Variants in CSRNP3 observed in about 807,000 individuals in gnomAD.
The protein encoded by CSRNP3 is cysteine and serine rich nuclear protein 3.
CSRNP3 carries 12 observed loss-of-function variants against 48.0 expected under a neutral mutation model. The observed-to-expected ratio is 0.25, with a 90% CI of 0.16 to 0.41. The LOEUF (loss-of-function observed/expected upper bound fraction) is 0.41, where lower values mean the gene tolerates loss of function less well. Among genes scored for constraint, CSRNP3 ranks in the 10% least tolerant of loss-of-function variants. The pLI, the probability that CSRNP3 is intolerant of heterozygous loss-of-function variation, is 1.00. For missense variants in CSRNP3, 580 were observed against 724.4 expected (o/e 0.80, Z 2.29); for synonymous variants, 263 against 269.7 (o/e 0.98, Z 0.24).
rs1687596772 is a variant in CSRNP3 at position 165,684,438 on chromosome 2, A to G, written c.*4685A>G. On this transcript the variant is annotated 3_prime_UTR_variant, in exon 7 of 7. Transcript: ENST00000651982. Reference sequence around the variant, plus strand: ...TTTGCAGTGCCATTATAGCCAGTGTATTAAATACCAGGCTTTAATGGGAAG... The same window carrying G: ...TTTGCAGTGCCATTATAGCCAGTGTGTTAAATACCAGGCTTTAATGGGAAG... The G allele has an allele frequency of 6.6e-6, 1 of 152,110 alleles. No individual in the cohort carries two copies. 9.4% of individuals were successfully genotyped at this position (152,110 alleles called of 1,614,324 possible). A position where few individuals can be genotyped will look rare whatever the true frequency, so the allele number is the denominator to read the frequency against.
intron 2 of CSRNP3, among the ~76,000 whole-genome samples, chr2:165,497,321 G>A (rs192992139): frequency 6.8e-4 from 104 of 152,124 alleles, no homozygotes; most frequent in South Asian, 1.9e-3. Context: ...GAGTTTTGAA[G>A]GAAACATTTG....
chr2:165,624,857 G>A (rs979768026), intron 4 of CSRNP3, among the ~76,000 whole-genome samples: 1 of 152,132 alleles, frequency 6.6e-6, no homozygotes, highest in Non-Finnish European at 1.5e-5. Context: ...GGTGAGATGG[G>A]TTTTCTCATT....
At chr2:165,638,567 G>A (rs1307762729) in intron 4 of CSRNP3, among the ~76,000 whole-genome samples, 1 of 152,074 alleles carries the variant, frequency 6.6e-6, no homozygotes, top group Non-Finnish European at 1.5e-5. Context: ...GATGCTTTCT[G>A]AAAATGTTGT....
intron 2 of CSRNP3, among the ~76,000 whole-genome samples, chr2:165,512,288 C>A (rs1684517589): frequency 6.6e-6 from 1 of 152,160 alleles, no homozygotes; most frequent in South Asian, 2.1e-4. Flanking sequence ...CACCAATTTA[C>A]AATTTTCTGG....
intron 2 of CSRNP3, among the ~76,000 whole-genome samples, chr2:165,514,338 A>G (rs6714013): frequency 0.24 from 36,496 of 152,210 alleles, 4,654 homozygotes; most frequent in East Asian, 0.38. Context: ...GCAAGATTCC[A>G]GGAAAAATGG....
chr2:165,541,023 T>G (rs2105252213), intron 3 of CSRNP3, among the ~76,000 whole-genome samples: 1 of 152,158 alleles, frequency 6.6e-6, no homozygotes, highest in South Asian at 2.1e-4. Flanking sequence ...TTATAACGTC[T>G]TGTATTGCCC....
At chr2:165,533,316 C>T (rs889973869) in intron 3 of CSRNP3, among the ~76,000 whole-genome samples, 1 of 152,010 alleles carries the variant, frequency 6.6e-6, no homozygotes, top group African/African-American at 2.4e-5. Flanking sequence ...ATTAGAATAA[C>T]TACTCATTTC....
At chr2:165,617,055 G>A (rs1003215459) in intron 4 of CSRNP3, among the ~76,000 whole-genome samples, 4 of 151,992 alleles carry the variant, frequency 2.6e-5, no homozygotes, top group Non-Finnish European at 5.9e-5. Context: ...TTCAGATCCT[G>A]AATGATTTTC....
chr2:165,510,570 C>A (rs1260056922), intron 2 of CSRNP3, among the ~76,000 whole-genome samples: 1 of 152,022 alleles, frequency 6.6e-6, no homozygotes, highest in Non-Finnish European at 1.5e-5. Flanking sequence ...TTCCTCTTTC[C>A]TGGTCCTAAA....
chr2:165,651,717 G>C (rs1192718739), intron 4 of CSRNP3, among the ~76,000 whole-genome samples: 1 of 149,742 alleles, frequency 6.7e-6, no homozygotes, highest in African/African-American at 2.5e-5. Context: ...GGGCAAAGGC[G>C]TGATCTCAGC....
intron 3 of CSRNP3, among the ~76,000 whole-genome samples, chr2:165,558,188 AT>A (rs1685186218): frequency 6.6e-6 from 1 of 152,144 alleles, no homozygotes; most frequent in South Asian, 2.1e-4. Flanking sequence ...ACACTTGGTT[AT>A]TTTATTTGGC....
intron 3 of CSRNP3, among the ~76,000 whole-genome samples, 160 bp from the exon 4 acceptor site, chr2:165,594,883 A>G (rs1685783235): frequency 1.3e-5 from 2 of 152,172 alleles, no homozygotes; most frequent in Admixed American, 6.5e-5. Flanking sequence ...TATTTTTGTT[A>G]ATTTGAAAAT....
intron 2 of CSRNP3, among the ~76,000 whole-genome samples, chr2:165,509,390 C>A (rs901926015): frequency 2.6e-5 from 4 of 152,092 alleles, no homozygotes; most frequent in Non-Finnish European, 5.9e-5. Flanking sequence ...AAGAGCTTGA[C>A]ACTTGTGTGA....
chr2:165,504,419 T>C (rs1322730438), intron 2 of CSRNP3, among the ~76,000 whole-genome samples: 1 of 152,002 alleles, frequency 6.6e-6, no homozygotes, highest in South Asian at 2.1e-4. Context: ...CTTATCTAAG[T>C]CCACACAGCT....
chr2:165,633,486 A>C (rs1480443317), intron 4 of CSRNP3, among the ~76,000 whole-genome samples: 1 of 152,218 alleles, frequency 6.6e-6, no homozygotes, highest in Non-Finnish European at 1.5e-5. Flanking sequence ...TTCTTCTGAA[A>C]ATCGCAGCTT....
intron 2 of CSRNP3, among the ~76,000 whole-genome samples, chr2:165,508,391 A>C (rs1010007132): frequency 1.3e-5 from 2 of 152,150 alleles, no homozygotes; most frequent in Non-Finnish European, 2.9e-5. Context: ...TCTTTTATGC[A>C]CACATACAAA....
chr2:165,515,338 C>CATATATATATATATAT (rs60927595), intron 2 of CSRNP3, among the ~76,000 whole-genome samples: 3 of 142,426 alleles, frequency 2.1e-5, no homozygotes, highest in Non-Finnish European at 4.5e-5. Flanking sequence ...AAAAAAAATA[C>CATATATATATATATAT]ATATATATAT....
chr2:165,567,802 G>A (rs11885110), intron 3 of CSRNP3, among the ~76,000 whole-genome samples: 53,024 of 151,706 alleles, frequency 0.35, 9,536 homozygotes, highest in South Asian at 0.47. Flanking sequence ...TGTCCACTGC[G>A]TACTTTATTT....
intron 5 of CSRNP3, among the ~76,000 whole-genome samples, chr2:165,675,828 G>A (rs1687414197): frequency 6.6e-6 from 1 of 152,200 alleles, no homozygotes; most frequent in African/African-American, 2.4e-5. Flanking sequence ...ATTTCCTGGT[G>A]TATGGTTTTG....
Sources: allele counts gnomAD v4.1 joint callset (sites outside exome capture counted in the v4.1 genomes callset), GRCh38; gene constraint gnomAD v4.1.1; transcripts MANE v1.5; gene names NCBI Gene and HGNC (gene_info 2026-07-23, HGNC 2026-07-21).